CAPRIN1: variants seen among roughly 807,000 people sequenced by gnomAD.
CAPRIN1 encodes cell cycle associated protein 1, also known as caprin-1.
In CAPRIN1, 29 loss-of-function variants were observed where a neutral mutation model predicts 100.9. That is an observed-to-expected ratio of 0.29 (90% CI 0.21 to 0.39). The LOEUF (loss-of-function observed/expected upper bound fraction) is 0.39, where lower values mean the gene tolerates loss of function less well. CAPRIN1 is among the 10% of genes least tolerant of loss of function. CAPRIN1 has a pLI of 1.00. For missense variants in CAPRIN1, 795 were observed against 876.7 expected, an observed-to-expected ratio of 0.91 and a Z score of 1.18; for synonymous variants, 338 against 307.5, an observed-to-expected ratio of 1.10 and a Z score of -1.04.
In CAPRIN1 at chr11:34,092,076, C is replaced by A; in HGVS notation, c.1705+20C>A. ...AAACAGGTACGAAATCCAGTGTCAC[C>A]TCATTGGCTCCTTGCTTTCCAGCAC... On this transcript the variant is annotated intron_variant, in intron 15 of 18. Coordinates refer to ENST00000341394, the MANE Select transcript of CAPRIN1 (RefSeq NM_005898.5). The A allele has an allele frequency of 6.2e-7, 1 of 1,609,654 alleles. No individual in the cohort carries two copies. Among genetic ancestry groups the A allele is most frequent in the Non-Finnish European group, 8.5e-7 (1 of 1,178,210 alleles).
At chr11:34,081,033 A>G (rs759074290) in intron 7 of CAPRIN1, among the ~76,000 whole-genome samples, 4 of 152,188 alleles carry the variant, frequency 2.6e-5, no homozygotes, top group Non-Finnish European at 4.4e-5. Flanking sequence ...CTTTATTTGC[A>G]TTATACATTA....
At chr11:34,095,621 C>A (rs1438057045) in intron 15 of CAPRIN1, among the ~76,000 whole-genome samples, 1 of 152,266 alleles carries the variant, frequency 6.6e-6, no homozygotes, top group Non-Finnish European at 1.5e-5. Context: ...CCAGCAGCTT[C>A]TGACCCTTGT....
intron 18 of CAPRIN1, chr11:34,098,724 T>C: frequency 1.0e-6 from 1 of 985,396 alleles, no homozygotes; most frequent in Non-Finnish European, 1.2e-6. Flanking sequence ...CCTTGTAGCA[T>C]ATTCGATGAA....
intron 4 of CAPRIN1, among the ~76,000 whole-genome samples, chr11:34,072,850 G>A (rs1850829050): frequency 6.6e-6 from 1 of 152,208 alleles, no homozygotes; most frequent in Non-Finnish European, 1.5e-5. Context: ...CCATAACATT[G>A]TAATACTGTA....
intron 2 of CAPRIN1, among the ~76,000 whole-genome samples, chr11:34,070,435 C>A (rs1276945505): frequency 6.6e-6 from 1 of 152,180 alleles, no homozygotes; most frequent in African/African-American, 2.4e-5. Context: ...CTCACGCTGT[C>A]GCCTAGGCTG....
intron 2 of CAPRIN1, among the ~76,000 whole-genome samples, chr11:34,054,172 C>T (rs1263084015): frequency 5.3e-5 from 8 of 152,100 alleles, no homozygotes; most frequent in Non-Finnish European, 1.2e-4. Context: ...CCTGTTTCAT[C>T]TTCGGTATTG....
At chr11:34,053,053 C>T in intron 2 of CAPRIN1, 1 of 1,035,288 alleles carries the variant, frequency 9.7e-7, no homozygotes, top group Non-Finnish European at 1.2e-6. Flanking sequence ...CCGGGTTCAA[C>T]CGACCGCCTC....
intron 18 of CAPRIN1, 186 bp downstream of exon 18, chr11:34,097,947 A>G: frequency 7.4e-7 from 1 of 1,356,888 alleles, no homozygotes; most frequent in South Asian, 1.9e-5. Context: ...GAATGATTTA[A>G]TTTTCCCTGT....
chr11:34,060,237 G>C (rs2134087480), intron 2 of CAPRIN1, among the ~76,000 whole-genome samples: 2 of 145,172 alleles, frequency 1.4e-5, no homozygotes, highest in South Asian at 4.4e-4. Context: ...GCATTAGCAA[G>C]ATATGTGAAT....
At chr11:34,053,162 G>C (rs1850186465) in intron 2 of CAPRIN1, 1 of 987,704 alleles carries the variant, frequency 1.0e-6, no homozygotes, top group Non-Finnish European at 1.2e-6. Context: ...TTCCGTAGGA[G>C]AGAAGTGTGT....
At position 34,071,662 on chromosome 11, in the gene CAPRIN1, A is replaced by G. The variant is rs72923861; in HGVS notation, c.217-64A>G. The G allele has an allele frequency of 7.2e-6, 8 of 1,118,800 alleles. No homozygotes were observed. In the Admixed American group the frequency reaches 8.0e-5, roughly 11 times the overall value. The allele number at this position is 1,118,800 out of a possible 1,614,324, so 69.3% of individuals were successfully genotyped here. Reference sequence around the variant, plus strand: ...TTAGAGGATTGTGAGGGTTTTGTCAAGCATGCTTAAGCTGGTATATACCTT... The same window carrying G: ...TTAGAGGATTGTGAGGGTTTTGTCAGGCATGCTTAAGCTGGTATATACCTT... On this transcript the variant is annotated intron_variant, in intron 2 of 18. Coordinates refer to ENST00000341394, the MANE Select transcript of CAPRIN1 (RefSeq NM_005898.5).
Position 34,100,629 on chromosome 11 carries a change from C to A in CAPRIN1, c.*1262C>A, listed in dbSNP as rs542325773. 1.6e-4 allele frequency: 25 copies of A among 152,358 alleles called. No individual in the cohort carries two copies. The South Asian group carries it at 2.9e-3, about 18-fold the overall frequency. The allele number at this position is 152,358 out of a possible 1,614,324, so 9.4% of individuals were successfully genotyped here. On this transcript the variant is annotated 3_prime_UTR_variant, in exon 19 of 19. Transcript: ENST00000341394. ...TTTCTCTAGTACTTGCACTTATTATCTTTTGTCTAATTTAACCTTAACTGA... is the reference window on the plus strand; with the variant it reads ...TTTCTCTAGTACTTGCACTTATTATATTTTGTCTAATTTAACCTTAACTGA...
intron 7 of CAPRIN1, among the ~76,000 whole-genome samples, chr11:34,081,477 G>C (rs1267361692): frequency 6.6e-6 from 1 of 151,640 alleles, no homozygotes; most frequent in African/African-American, 2.4e-5. Context: ...GGGATTACAG[G>C]CATGAGCCAC....
Position 34,067,565 on chromosome 11 carries a change from C to T in CAPRIN1, c.217-4161C>T, listed in dbSNP as rs1850724111. ...ACCCAGGCTGGAGAGCAGTCGTGCA[C>T]ATCACGACTTCCGACTTGTGGTCTC... On this transcript the variant is annotated intron_variant, in intron 2 of 18. Transcript: ENST00000341394. Among the ~76,000 whole-genome samples the T allele has an allele frequency of 4.6e-5, 7 of 151,896 alleles. No individual in the cohort carries two copies. In the South Asian group the frequency reaches 1.2e-3, roughly 27 times the overall value.
At chr11:34,093,236 C>G (rs1167789266) in intron 15 of CAPRIN1, among the ~76,000 whole-genome samples, 2 of 151,164 alleles carry the variant, frequency 1.3e-5, no homozygotes, top group African/African-American at 4.9e-5. Context: ...CTGTCTGTTG[C>G]CCAGGTTGGA....
intron 7 of CAPRIN1, among the ~76,000 whole-genome samples, chr11:34,080,080 C>T (rs1013238253): frequency 6.6e-5 from 10 of 152,098 alleles, no homozygotes; most frequent in South Asian, 6.2e-4. Flanking sequence ...CCCGCCACCA[C>T]GCCCGGCTAT....
chr11:34,090,715 A>C (rs774498922), intron 14 of CAPRIN1, 37 bp downstream of exon 14: 1 of 1,578,588 alleles, frequency 6.3e-7, no homozygotes, highest in African/African-American at 1.3e-5. Flanking sequence ...CCTAGTATGT[A>C]ATATGAATCA....
intron 5 of CAPRIN1, 42 bp downstream of exon 5, chr11:34,076,516 G>A: frequency 1.2e-6 from 2 of 1,606,928 alleles, no homozygotes; most frequent in Non-Finnish European, 1.7e-6. Context: ...GAGTATTTAA[G>A]TTGACAACTG....
intron 2 of CAPRIN1, among the ~76,000 whole-genome samples, chr11:34,059,459 G>T (rs1222906097): frequency 6.6e-6 from 1 of 151,970 alleles, no homozygotes; most frequent in South Asian, 2.1e-4. Context: ...TAGTAGAGAC[G>T]GGGTTTCGCC....
Sources: gnomAD v4.1 joint callset for allele counts (sites outside exome capture counted in the v4.1 genomes callset) on GRCh38, gnomAD v4.1.1 for gene constraint, MANE v1.5 for transcripts, NCBI Gene and HGNC (gene_info 2026-07-23, HGNC 2026-07-21) for gene names.